Variants in SYT17 observed in about 807,000 individuals in gnomAD.
SYT17 encodes the protein synaptotagmin-17.
In SYT17, 22 loss-of-function variants were observed where a neutral mutation model predicts 46.7. The observed-to-expected ratio is 0.47, with a 90% CI of 0.34 to 0.67. SYT17 has a LOEUF of 0.67. Ranked by LOEUF, SYT17 falls within the 30% of genes least tolerant of loss-of-function variation. The pLI, the probability that SYT17 is intolerant of heterozygous loss-of-function variation, is 0.01. For missense variants in SYT17, 519 were observed against 612.8 expected (o/e 0.85, Z 1.62); for synonymous variants, 251 against 248.4 (o/e 1.01, Z -0.10).
intron 3 of SYT17, among the ~76,000 whole-genome samples, chr16:19,179,132 T>G (rs1964443659): frequency 6.6e-6 from 1 of 152,104 alleles, no homozygotes; most frequent in South Asian, 2.1e-4. Context: ...TCTAAGCATT[T>G]TATTTATTTT....
intron 5 of SYT17, among the ~76,000 whole-genome samples, chr16:19,201,810 C>T (rs191917333): frequency 6.6e-6 from 1 of 152,146 alleles, no homozygotes; most frequent in Admixed American, 6.5e-5. Flanking sequence ...TTCATTCATT[C>T]AACAGATACT....
chr16:19,253,042 A>C (rs62025407), intron 7 of SYT17, among the ~76,000 whole-genome samples: 10,938 of 152,230 alleles, frequency 0.072, 528 homozygotes, highest in Non-Finnish European at 0.1. Context: ...TGGTGTGGAG[A>C]CCACACTTCG....
chr16:19,212,719 T>A (rs1184841492), intron 5 of SYT17, among the ~76,000 whole-genome samples: 1 of 152,210 alleles, frequency 6.6e-6, no homozygotes, highest in Non-Finnish European at 1.5e-5. Context: ...TTATTTCAGC[T>A]CTGACATTCC....
chr16:19,180,227 G>T (rs1189782441), intron 3 of SYT17, 164 bp from the exon 4 acceptor site: 2 of 641,932 alleles, frequency 3.1e-6, no homozygotes, highest in East Asian at 2.7e-5. Context: ...AAAGCAAGAC[G>T]TTGTTGAGAG....
chr16:19,201,952 G>A lies in SYT17; in HGVS notation c.951+17805G>A, dbSNP rs1188884246. Among the ~76,000 whole-genome samples the A allele has an allele frequency of 5.9e-5, 9 of 152,190 alleles. 1 individual carries two copies. The highest frequency in any genetic ancestry group is 1.3e-4 in the Non-Finnish European group (9 of 68,032). On this transcript the variant is annotated intron_variant, in intron 5 of 7. Transcript: ENST00000355377. ...GTAGGAGTAAAAGCCAAAAAGCATAGTTTTCAAGAGTTCAGGATCTGGAGT... is the reference window on the plus strand; with the variant it reads ...GTAGGAGTAAAAGCCAAAAAGCATAATTTTCAAGAGTTCAGGATCTGGAGT...
chr16:19,194,723 G>A (rs1965165522), intron 5 of SYT17, among the ~76,000 whole-genome samples: 1 of 152,144 alleles, frequency 6.6e-6, no homozygotes, highest in African/African-American at 2.4e-5. Context: ...GCCTTCCAAG[G>A]AGCTTGGACC....
chr16:19,174,290 C>G (rs577553102), intron 3 of SYT17, among the ~76,000 whole-genome samples: 2 of 152,210 alleles, frequency 1.3e-5, no homozygotes, highest in Non-Finnish European at 2.9e-5. Context: ...GCCTGGTCCA[C>G]CTCTCCGTGA....
Position 19,217,092 on chromosome 16 carries a change from A to G in SYT17, c.952-5953A>G, listed in dbSNP as rs1329649709. Among the ~76,000 whole-genome samples the G allele has an allele frequency of 5.3e-5, 8 of 152,212 alleles. No homozygotes were observed. In the South Asian group the frequency reaches 1.2e-3, roughly 24 times the overall value. On this transcript the variant is annotated intron_variant, in intron 5 of 7. Transcript: ENST00000355377. ...GCCATTTTAACTGGTGTAAGATGAT[A>G]TCTCATTGTGGTTTTGATTTGCATT...
At chr16:19,193,229 T>A (rs56056395) in intron 5 of SYT17, among the ~76,000 whole-genome samples, 2 of 152,204 alleles carry the variant, frequency 1.3e-5, no homozygotes, top group Non-Finnish European at 2.9e-5. Flanking sequence ...TGATATTTTA[T>A]GGAGCTGTTC....
chr16:19,267,107 T>TAAAAAA lies in SYT17; in HGVS notation c.*42_*47dup, dbSNP rs11379176. Reference sequence around the variant, plus strand: ...GCAGGGAAGGCAGCTTTCATTTGTTTAAAAAAAAAAAAAAAAGACGGAAAA... The same window carrying TAAAAAA: ...GCAGGGAAGGCAGCTTTCATTTGTTTAAAAAAAAAAAAAAAAAAAAAAGACGGAAAA... On this transcript the variant is annotated 3_prime_UTR_variant, in exon 8 of 8. Coordinates refer to ENST00000355377, the MANE Select transcript of SYT17 (RefSeq NM_016524.4). 1.1e-4 allele frequency: 147 copies of TAAAAAA among 1,313,074 alleles called. No individual in the cohort carries two copies. The highest frequency in any genetic ancestry group is 1.1e-3 in the African/African-American group (67 of 61,296). The allele number at this position is 1,313,074 out of a possible 1,614,324, so 81.3% of individuals were successfully genotyped here.
intron 7 of SYT17, among the ~76,000 whole-genome samples, chr16:19,225,842 A>G (rs968547937): frequency 6.6e-6 from 1 of 152,200 alleles, no homozygotes; most frequent in Non-Finnish European, 1.5e-5. Flanking sequence ...GGCAAGGAAG[A>G]GTCTTTTTGT....
chr16:19,177,858 G>A (rs1457205634), intron 3 of SYT17, among the ~76,000 whole-genome samples: 1 of 152,220 alleles, frequency 6.6e-6, no homozygotes, highest in Non-Finnish European at 1.5e-5. Flanking sequence ...TGTCGAACAA[G>A]CACATATTGA....
chr16:19,172,990 T>G, intron 2 of SYT17: 1 of 614,738 alleles, frequency 1.6e-6, no homozygotes, highest in South Asian at 2.1e-5. Flanking sequence ...CCACCCCTAC[T>G]TATTCCGTTT....
intron 7 of SYT17, among the ~76,000 whole-genome samples, chr16:19,225,424 T>C (rs553687935): frequency 1.3e-5 from 2 of 152,332 alleles, no homozygotes; most frequent in South Asian, 4.1e-4. Flanking sequence ...TAATCTAATG[T>C]AGTATTTCCA....
At chr16:19,201,671 TA>T (rs559424751) in intron 5 of SYT17, among the ~76,000 whole-genome samples, 11,619 of 126,018 alleles carry the variant, frequency 0.092, 1,199 homozygotes, top group African/African-American at 0.27. Flanking sequence ...TGCCCCTGCT[TA>T]AAAAAAAAAA....
intron 5 of SYT17, among the ~76,000 whole-genome samples, chr16:19,194,153 G>A (rs184479719): frequency 6.6e-6 from 1 of 152,302 alleles, no homozygotes; most frequent in African/African-American, 2.4e-5. Context: ...GCGGAAACCT[G>A]TAAAGAAAAA....
intron 5 of SYT17, among the ~76,000 whole-genome samples, chr16:19,203,305 AC>A (rs1965536579): frequency 6.7e-6 from 1 of 150,160 alleles, no homozygotes; most frequent in Non-Finnish European, 1.5e-5. Flanking sequence ...AGCCTAGCCA[AC>A]ATGGTGAAAC....
chr16:19,230,880 G>A (rs1338812983), intron 7 of SYT17, among the ~76,000 whole-genome samples: 1 of 152,130 alleles, frequency 6.6e-6, no homozygotes, highest in Non-Finnish European at 1.5e-5. Context: ...GCAATGCTTG[G>A]CTCAGAGAAA....
chr16:19,190,766 TC>T (rs1964980760), intron 5 of SYT17, among the ~76,000 whole-genome samples: 1 of 122,658 alleles, frequency 8.2e-6, no homozygotes, highest in Non-Finnish European at 1.7e-5. Flanking sequence ...TGAATAATAT[TC>T]CTGTGTGTGT....
Sources: allele counts gnomAD v4.1 joint callset (sites outside exome capture counted in the v4.1 genomes callset), GRCh38; gene constraint gnomAD v4.1.1; transcripts MANE v1.5; gene names NCBI Gene and HGNC (gene_info 2026-07-23, HGNC 2026-07-21).